Variants in MRPL1 observed in about 807,000 individuals in gnomAD.
The protein encoded by MRPL1 is large ribosomal subunit protein uL1m.
MRPL1 carries 28 observed loss-of-function variants against 38.0 expected under a neutral mutation model. The ratio of observed to expected loss-of-function variants is 0.74; its 90% CI spans 0.55 to 1.01. MRPL1 has a LOEUF of 1.01. Among genes scored for constraint, MRPL1 ranks in the 50% least tolerant of loss-of-function variants. The pLI is 0.00. For missense variants in MRPL1, 358 were observed against 389.8 expected (o/e 0.92, Z 0.69); for synonymous variants, 123 against 126.7 (o/e 0.97, Z 0.20).
intron 2 of MRPL1, among the ~76,000 whole-genome samples, chr4:77,882,817 T>C (rs538893237): frequency 5.3e-5 from 8 of 152,364 alleles, no homozygotes; most frequent in African/African-American, 1.9e-4. Context: ...TTGTGTCATA[T>C]GTTTTCACTT....
At chr4:77,904,721 TTATATGA>T (rs1195746024) in intron 6 of MRPL1, among the ~76,000 whole-genome samples, 2 of 152,192 alleles carry the variant, frequency 1.3e-5, no homozygotes, top group African/African-American at 4.8e-5. Context: ...GGACCTAAAC[TTATATGA>T]TCAACTGATT....
intron 2 of MRPL1, among the ~76,000 whole-genome samples, chr4:77,876,324 C>T (rs181540217): frequency 3.2e-4 from 49 of 152,248 alleles, no homozygotes; most frequent in African/African-American, 1.1e-3. Context: ...TGTTGGGCTT[C>T]GTCTTTTTCT....
chr4:77,909,237 T>C (rs761268281), intron 6 of MRPL1, 29 bp from the exon 7 acceptor site: 2 of 1,300,906 alleles, frequency 1.5e-6, no homozygotes, highest in Non-Finnish European at 2.2e-6. Context: ...TTTGGAGTGA[T>C]AATTGTGGAT....
At chr4:77,864,739 G>A (rs937869835) in intron 1 of MRPL1, 1 of 152,192 alleles carries the variant, frequency 6.6e-6, no homozygotes, top group South Asian at 2.1e-4. Context: ...TCAACAATAT[G>A]AAATTGCAAA....
At chr4:77,950,352 TAGAG>T (rs1001665757) in intron 8 of MRPL1, among the ~76,000 whole-genome samples, 6 of 152,210 alleles carry the variant, frequency 3.9e-5, no homozygotes, top group African/African-American at 9.6e-5. Context: ...AGGTGACTCA[TAGAG>T]AATCACTCAA....
chr4:77,932,319 A>T (rs982389748), intron 7 of MRPL1, among the ~76,000 whole-genome samples: 2 of 152,156 alleles, frequency 1.3e-5, no homozygotes, highest in Non-Finnish European at 2.9e-5. Context: ...CTGGTGCATG[A>T]TCACCTCTCT....
At chr4:77,927,674 TTCAC>T (rs1199671575) in intron 7 of MRPL1, among the ~76,000 whole-genome samples, 13 of 151,986 alleles carry the variant, frequency 8.6e-5, no homozygotes, top group African/African-American at 3.1e-4. Context: ...TGATAAAAAT[TTCAC>T]TAAGTACAAT....
chr4:77,909,193 T>C (rs2110248050), intron 6 of MRPL1, 73 bp from the exon 7 acceptor site: 1 of 889,018 alleles, frequency 1.1e-6, no homozygotes, highest in Non-Finnish European at 1.9e-6. Context: ...ACATGAGATA[T>C]GTGTTTCTTT....
At chr4:77,927,767 A>G (rs896768922) in intron 7 of MRPL1, among the ~76,000 whole-genome samples, 2 of 152,078 alleles carry the variant, frequency 1.3e-5, no homozygotes, top group African/African-American at 4.8e-5. Context: ...GCATTAAGTT[A>G]AAACATTAAA....
At chr4:77,912,783 C>T (rs1171673745) in intron 7 of MRPL1, among the ~76,000 whole-genome samples, 1 of 152,002 alleles carries the variant, frequency 6.6e-6, no homozygotes, top group Non-Finnish European at 1.5e-5. Flanking sequence ...GGAAGTCTAC[C>T]TGATTTCAAG....
At chr4:77,921,203 T>C (rs1279018705) in intron 7 of MRPL1, among the ~76,000 whole-genome samples, 1 of 152,242 alleles carries the variant, frequency 6.6e-6, no homozygotes, top group African/African-American at 2.4e-5. Context: ...AAAGTACACA[T>C]GTACACACAT....
chr4:77,936,206 C>T (rs1046943036), intron 7 of MRPL1, among the ~76,000 whole-genome samples: 5 of 151,264 alleles, frequency 3.3e-5, no homozygotes, highest in Non-Finnish European at 5.9e-5. Flanking sequence ...TATTGACTTT[C>T]GTATTCTTTT....
chr4:77,904,933 TTAAA>T (rs1560466638), intron 6 of MRPL1, among the ~76,000 whole-genome samples: 2 of 152,256 alleles, frequency 1.3e-5, no homozygotes, highest in East Asian at 3.9e-4. Flanking sequence ...TGGCCTTAGA[TTAAA>T]TAAATATTTC....
intron 7 of MRPL1, among the ~76,000 whole-genome samples, chr4:77,924,719 T>A (rs563676773): frequency 4.6e-5 from 7 of 152,354 alleles, no homozygotes; most frequent in African/African-American, 1.7e-4. Flanking sequence ...TTACTCATAG[T>A]CTATTCATTT....
chr4:77,894,404 C>T (rs1277567715), intron 6 of MRPL1, among the ~76,000 whole-genome samples, 154 bp downstream of exon 6: 1 of 151,878 alleles, frequency 6.6e-6, no homozygotes, highest in Admixed American at 6.6e-5. Context: ...TGATTTTTTT[C>T]CCCCGCTTTG....
chr4:77,948,474 C>T (rs1327236639), intron 7 of MRPL1, among the ~76,000 whole-genome samples: 2 of 151,786 alleles, frequency 1.3e-5, no homozygotes, highest in Non-Finnish European at 2.9e-5. Context: ...ATTTTTTTTC[C>T]TCTCAGAACT....
intron 2 of MRPL1, among the ~76,000 whole-genome samples, chr4:77,880,291 G>GC (rs1735509196): frequency 6.6e-6 from 1 of 152,118 alleles, no homozygotes; most frequent in Admixed American, 6.6e-5. Flanking sequence ...ACATTCTTTA[G>GC]CTCATGGCCC....
chr4:77,939,755 C>T (rs895060368), intron 7 of MRPL1, among the ~76,000 whole-genome samples: 2 of 152,184 alleles, frequency 1.3e-5, no homozygotes, highest in Non-Finnish European at 2.9e-5. Context: ...TATTCTTCTA[C>T]ATGTGGCTTG....
intron 7 of MRPL1, among the ~76,000 whole-genome samples, chr4:77,921,788 A>C (rs1042822672): frequency 3.4e-5 from 5 of 147,192 alleles, no homozygotes; most frequent in Non-Finnish European, 6.0e-5. Flanking sequence ...TTTTTTTTTT[A>C]ACATCAGGAA....
Sources: allele counts gnomAD v4.1 joint callset (sites outside exome capture counted in the v4.1 genomes callset), GRCh38; gene constraint gnomAD v4.1.1; transcripts MANE v1.5; gene names NCBI Gene and HGNC (gene_info 2026-07-23, HGNC 2026-07-21).